EPC2: variants seen among roughly 807,000 people sequenced by gnomAD.
EPC2 encodes the protein enhancer of polycomb homolog 2.
In EPC2, 14 loss-of-function variants were observed where a neutral mutation model predicts 92.1. That is an observed-to-expected ratio of 0.15 (90% CI 0.10 to 0.24). EPC2 has a LOEUF of 0.24. Among genes scored for constraint, EPC2 ranks in the 10% least tolerant of loss-of-function variants. The pLI is 1.00. For missense variants in EPC2, 755 were observed against 971.5 expected, an observed-to-expected ratio of 0.78 and a Z score of 2.96; for synonymous variants, 340 against 334.7, an observed-to-expected ratio of 1.02 and a Z score of -0.17.
intron 1 of EPC2, among the ~76,000 whole-genome samples, chr2:148,670,868 T>C (rs1204095759): frequency 6.6e-6 from 1 of 152,100 alleles, no homozygotes; most frequent in Admixed American, 6.6e-5. Flanking sequence ...TTATTTTTTG[T>C]GGAGACTAGA....
intron 1 of EPC2, among the ~76,000 whole-genome samples, chr2:148,658,181 T>C (rs888100027): frequency 6.6e-6 from 1 of 152,156 alleles, no homozygotes; most frequent in African/African-American, 2.4e-5. Flanking sequence ...TTCATTGACA[T>C]TGAACTCACA....
At chr2:148,712,094 C>T (rs1226880520) in intron 2 of EPC2, among the ~76,000 whole-genome samples, 1 of 152,156 alleles carries the variant, frequency 6.6e-6, no homozygotes, top group Admixed American at 6.5e-5. Context: ...GGATTAATAT[C>T]TACCATATCT....
intron 1 of EPC2, among the ~76,000 whole-genome samples, chr2:148,663,776 A>T (rs189816154): frequency 2.6e-5 from 4 of 152,048 alleles, no homozygotes; most frequent in African/African-American, 9.6e-5. Flanking sequence ...TTGGTATGAA[A>T]CTGTTCCATC....
intron 1 of EPC2, among the ~76,000 whole-genome samples, chr2:148,675,348 T>C (rs1681241766): frequency 6.6e-6 from 1 of 152,164 alleles, no homozygotes; most frequent in South Asian, 2.1e-4. Context: ...CTTTTGAGTA[T>C]ATTAGGTTTG....
intron 1 of EPC2, among the ~76,000 whole-genome samples, chr2:148,666,851 T>C (rs1681065112): frequency 1.4e-5 from 2 of 144,618 alleles, no homozygotes; most frequent in East Asian, 2.1e-4. Flanking sequence ...CATGAAACTT[T>C]AATAAGCCAT....
chr2:148,654,625 G>A (rs1177289315), intron 1 of EPC2, among the ~76,000 whole-genome samples: 1 of 152,136 alleles, frequency 6.6e-6, no homozygotes, highest in Non-Finnish European at 1.5e-5. Flanking sequence ...GCCACTGCAC[G>A]CCAGCCTGGA....
At chr2:148,702,221 G>A (rs1347790989) in intron 2 of EPC2, among the ~76,000 whole-genome samples, 2 of 151,890 alleles carry the variant, frequency 1.3e-5, no homozygotes, top group African/African-American at 4.8e-5. Flanking sequence ...TTATGTTTTG[G>A]TAAGCTTTAT....
intron 10 of EPC2, among the ~76,000 whole-genome samples, chr2:148,774,623 T>TAA (rs527305174): frequency 0.026 from 3,780 of 143,354 alleles, 101 homozygotes; most frequent in East Asian, 0.038. Context: ...AAAAATATAT[T>TAA]TTATATATAT....
intron 1 of EPC2, among the ~76,000 whole-genome samples, chr2:148,652,692 A>T (rs1030650162): frequency 1.3e-5 from 2 of 152,346 alleles, no homozygotes; most frequent in South Asian, 4.1e-4. Flanking sequence ...GTGACATTAA[A>T]TATTGGGAAG....
intron 1 of EPC2, among the ~76,000 whole-genome samples, chr2:148,683,237 A>T (rs1475614457): frequency 1.3e-5 from 2 of 149,794 alleles, no homozygotes; most frequent in African/African-American, 2.5e-5. Flanking sequence ...ATCCCCTCTC[A>T]TCCTTCCTGC....
rs906064767 is a variant in EPC2 at position 148,786,985 on chromosome 2, G to A, written c.*608G>A. The stretch of plus-strand genomic sequence containing the variant: ...ACTGTGCAGGGGAAAGGGATGGATC[G>A]ATACATGCAAATTTAATGTAGTAAC... On this transcript the variant is annotated 3_prime_UTR_variant, in exon 14 of 14. Transcript: ENST00000258484. 1 of 152,502 alleles carries A rather than the reference G, an allele frequency of 6.6e-6. No homozygotes were observed. Among genetic ancestry groups the A allele is most frequent in the Non-Finnish European group, 1.5e-5 (1 of 68,006 alleles). 9.4% of individuals were successfully genotyped at this position (152,502 alleles called of 1,614,324 possible). A position where few individuals can be genotyped will look rare whatever the true frequency, so the allele number is the denominator to read the frequency against.
chr2:148,716,913 T>G (rs1409117242), intron 2 of EPC2, among the ~76,000 whole-genome samples: 5 of 152,168 alleles, frequency 3.3e-5, no homozygotes, highest in Non-Finnish European at 5.9e-5. Flanking sequence ...GCTTCAACTT[T>G]AGAACTCATT....
chr2:148,742,064 A>G (rs1181706234), intron 2 of EPC2, among the ~76,000 whole-genome samples: 1 of 152,140 alleles, frequency 6.6e-6, no homozygotes, highest in Non-Finnish European at 1.5e-5. Context: ...ACATGGGTCA[A>G]TGTCTTTTTC....
At chr2:148,646,898 T>C (rs1310826247) in intron 1 of EPC2, among the ~76,000 whole-genome samples, 2 of 152,002 alleles carry the variant, frequency 1.3e-5, no homozygotes, top group Non-Finnish European at 2.9e-5. Context: ...GATCATGAGG[T>C]CAGGAGTTCG....
chr2:148,769,003 G>A (rs1389107028), intron 7 of EPC2, 148 bp from the exon 8 acceptor site: 1 of 593,858 alleles, frequency 1.7e-6, no homozygotes, highest in Non-Finnish European at 3.0e-6. Context: ...ATTTTTGCTA[G>A]TCATTGAATG....
intron 4 of EPC2, among the ~76,000 whole-genome samples, chr2:148,757,152 G>A (rs920529827): frequency 6.6e-6 from 1 of 152,072 alleles, no homozygotes; most frequent in Non-Finnish European, 1.5e-5. Flanking sequence ...TGAGGCGGGC[G>A]AATCACAAGG....
intron 1 of EPC2, among the ~76,000 whole-genome samples, chr2:148,686,976 TGAC>T (rs1394922785): frequency 6.6e-6 from 1 of 152,226 alleles, no homozygotes; most frequent in East Asian, 1.9e-4. Context: ...AACCAGGCGT[TGAC>T]GTTTCCTCTC....
intron 2 of EPC2, among the ~76,000 whole-genome samples, chr2:148,726,262 T>C (rs952266283): frequency 1.3e-5 from 2 of 152,226 alleles, no homozygotes; most frequent in African/African-American, 2.4e-5. Flanking sequence ...AACATGGATG[T>C]GGACACGTCT....
intron 1 of EPC2, among the ~76,000 whole-genome samples, chr2:148,683,690 G>A (rs556771957): frequency 1.6e-4 from 24 of 152,184 alleles, no homozygotes; most frequent in Admixed American, 7.8e-4. Flanking sequence ...ACTCTATCCA[G>A]GTTGCTGCAA....
Sources: allele counts gnomAD v4.1 joint callset (sites outside exome capture counted in the v4.1 genomes callset), GRCh38; gene constraint gnomAD v4.1.1; transcripts MANE v1.5; gene names NCBI Gene and HGNC (gene_info 2026-07-23, HGNC 2026-07-21).